The following SOX5 variants were observed in gnomAD, a reference collection of about 807,000 sequenced individuals.
The protein encoded by SOX5 is transcription factor SOX-5.
In SOX5, 9 loss-of-function variants were observed where a neutral mutation model predicts 92.0. That is an observed-to-expected ratio of 0.10 (90% CI 0.06 to 0.17). The LOEUF (loss-of-function observed/expected upper bound fraction) is 0.17. SOX5 is among the 10% of genes least tolerant of loss of function. The pLI is 1.00. For synonymous variants in SOX5, 344 were observed against 336.3 expected, an observed-to-expected ratio of 1.02 and a Z score of -0.25; for missense variants, 642 against 944.5, an observed-to-expected ratio of 0.68 and a Z score of 4.20.
At chr12:23,997,281 T>A (rs963129097) in intron 4 of SOX5, among the ~76,000 whole-genome samples, 1 of 152,116 alleles carries the variant, frequency 6.6e-6, no homozygotes, top group African/African-American at 2.4e-5. Context: ...GTAAGGGACA[T>A]CAGCTTTCCT....
At chr12:24,219,318 C>T (rs1293636482) in intron 3 of SOX5, among the ~76,000 whole-genome samples, 3 of 151,904 alleles carry the variant, frequency 2.0e-5, no homozygotes, top group Non-Finnish European at 4.4e-5. Context: ...TGAAATGTTC[C>T]TAACACAAAG....
At chr12:23,611,821 A>G (rs1032511589) in intron 8 of SOX5, among the ~76,000 whole-genome samples, 1 of 151,582 alleles carries the variant, frequency 6.6e-6, no homozygotes, top group Non-Finnish European at 1.5e-5. Context: ...TCCTCTCTCT[A>G]CCCTTACTCT....
At chr12:24,302,413 A>G (rs1322936963) in intron 2 of SOX5, among the ~76,000 whole-genome samples, 4 of 152,206 alleles carry the variant, frequency 2.6e-5, no homozygotes, top group African/African-American at 9.6e-5. Context: ...AGTACTTTTC[A>G]CTATAATTCG....
intron 2 of SOX5, among the ~76,000 whole-genome samples, chr12:24,346,248 AG>A (rs1379994206): frequency 2.6e-5 from 4 of 152,228 alleles, no homozygotes; most frequent in Non-Finnish European, 5.9e-5. Flanking sequence ...AGATGTGGTA[AG>A]AAAAGTCAGA....
At chr12:23,556,970 C>T (rs568713320) in intron 11 of SOX5, among the ~76,000 whole-genome samples, 7 of 152,198 alleles carry the variant, frequency 4.6e-5, no homozygotes, top group East Asian at 1.9e-4. Flanking sequence ...GGCTGCCATC[C>T]GATACACTTA....
chr12:24,539,878 CT>C (rs1006072143), intron 1 of SOX5, among the ~76,000 whole-genome samples: 3 of 151,972 alleles, frequency 2.0e-5, no homozygotes, highest in Admixed American at 2.0e-4. Context: ...TTTGGAATTC[CT>C]TCCAGTTATG....
chr12:24,138,115 T>C (rs1221465805), intron 4 of SOX5, among the ~76,000 whole-genome samples: 1 of 152,246 alleles, frequency 6.6e-6, no homozygotes, highest in African/African-American at 2.4e-5. Context: ...CTCTGCTTTG[T>C]ATTTCATTCT....
At chr12:24,470,722 C>G (rs1944723607) in intron 1 of SOX5, among the ~76,000 whole-genome samples, 3 of 152,172 alleles carry the variant, frequency 2.0e-5, no homozygotes, top group Admixed American at 1.3e-4. Flanking sequence ...TCAGAATATT[C>G]TGTGTTCAAA....
intron 2 of SOX5, among the ~76,000 whole-genome samples, chr12:24,350,238 G>A (rs996460027): frequency 1.1e-4 from 16 of 152,176 alleles, no homozygotes; most frequent in East Asian, 1.9e-4. Flanking sequence ...TTAGTAGGGC[G>A]TAGGGCCCAG....
chr12:24,042,044 C>T (rs990295949), intron 4 of SOX5, among the ~76,000 whole-genome samples: 39 of 152,044 alleles, frequency 2.6e-4, no homozygotes, highest in African/African-American at 9.4e-4. Flanking sequence ...ACTGGGTACT[C>T]TAACTGTATT....
At chr12:23,666,733 G>A (rs1391005094) in intron 6 of SOX5, among the ~76,000 whole-genome samples, 1 of 152,116 alleles carries the variant, frequency 6.6e-6, no homozygotes, top group Non-Finnish European at 1.5e-5. Context: ...AGATGCAATA[G>A]TGAACAAGAA....
chr12:24,239,721 G>C (rs1362760306), intron 3 of SOX5, among the ~76,000 whole-genome samples: 1 of 152,166 alleles, frequency 6.6e-6, no homozygotes, highest in Non-Finnish European at 1.5e-5. Context: ...AGTGAAAGTG[G>C]AATTCACTTG....
intron 4 of SOX5, among the ~76,000 whole-genome samples, chr12:24,015,135 C>G (rs1036981046): frequency 6.6e-6 from 1 of 151,742 alleles, no homozygotes; most frequent in African/African-American, 2.4e-5. Flanking sequence ...TTTTCCCCCT[C>G]TAAACAAAAC....
chr12:24,221,999 G>C (rs1184633599), intron 3 of SOX5, among the ~76,000 whole-genome samples: 1 of 152,256 alleles, frequency 6.6e-6, no homozygotes, highest in African/African-American at 2.4e-5. Context: ...GTAAGGCCTT[G>C]TAGGCCATAG....
rs140674735 is a variant in SOX5 at position 23,797,803 on chromosome 12, G to C, written c.482-42079C>G. On this transcript the variant is annotated intron_variant, in intron 3 of 14. Coordinates refer to ENST00000451604, the MANE Select transcript of SOX5 (RefSeq NM_006940.6). ...AAGATAAAGCTATGCGCTAGCCTTC[G>C]ATACTGTACAATGTAGCCTCTCTTT... Among the ~76,000 whole-genome samples the C allele has an allele frequency of 2.4e-4, 37 of 152,044 alleles. No individual in the cohort carries two copies. In the East Asian group the frequency reaches 6.4e-3, roughly 26 times the overall value.
intron 1 of SOX5, among the ~76,000 whole-genome samples, chr12:24,371,299 T>G (rs946500568): frequency 6.6e-6 from 1 of 152,204 alleles, no homozygotes; most frequent in Non-Finnish European, 1.5e-5. Flanking sequence ...TACAAAGAGC[T>G]GAATTCTGCC....
At chr12:23,845,952 C>T in intron 3 of SOX5, 31 bp downstream of exon 3, 1 of 1,514,308 alleles carries the variant, frequency 6.6e-7, no homozygotes, top group Non-Finnish European at 9.2e-7. Context: ...CAGGACACAG[C>T]ATCAACTTTG....
At chr12:24,504,938 A>G (rs899224590) in intron 1 of SOX5, among the ~76,000 whole-genome samples, 4 of 152,174 alleles carry the variant, frequency 2.6e-5, no homozygotes, top group African/African-American at 4.8e-5. Context: ...AAAATACCAT[A>G]TCTATGTAAA....
chr12:23,820,260 C>A (rs1289400660), intron 3 of SOX5, among the ~76,000 whole-genome samples: 1 of 152,108 alleles, frequency 6.6e-6, no homozygotes, highest in East Asian at 1.9e-4. Flanking sequence ...CCTTTGCCCA[C>A]TTTTTGGTGG....
Sources: gnomAD v4.1 joint callset for allele counts (sites outside exome capture counted in the v4.1 genomes callset) on GRCh38, gnomAD v4.1.1 for gene constraint, MANE v1.5 for transcripts, NCBI Gene and HGNC (gene_info 2026-07-23, HGNC 2026-07-21) for gene names.